Variants in PTPRN2 observed in about 807,000 individuals in gnomAD.
PTPRN2 encodes protein tyrosine phosphatase receptor type N2, also known as receptor-type tyrosine-protein phosphatase N2.
A neutral mutation model predicts 118.8 loss-of-function variants in PTPRN2; 74 were observed. The ratio of observed to expected loss-of-function variants is 0.62; its 90% CI spans 0.52 to 0.76. PTPRN2 has a LOEUF of 0.76. Ranked by LOEUF, PTPRN2 falls within the 30% of genes least tolerant of loss-of-function variation. The probability of loss-of-function intolerance (pLI) is 0.00; values close to 1 mark genes in which losing one functional copy is unlikely to be tolerated. For synonymous variants in PTPRN2, 641 were observed against 608.0 expected (o/e 1.05, Z -0.80); for missense variants, 1,481 against 1,394.4 (o/e 1.06, Z -0.99).
intron 3 of PTPRN2, among the ~76,000 whole-genome samples, chr7:158,240,268 AG>A (rs1347599014): frequency 2.6e-5 from 4 of 152,202 alleles, no homozygotes; most frequent in African/African-American, 9.6e-5. Context: ...AGAGAGAGAG[AG>A]AGAAAGCCAA....
At chr7:158,359,637 A>G (rs2151286127) in intron 2 of PTPRN2, among the ~76,000 whole-genome samples, 2 of 152,344 alleles carry the variant, frequency 1.3e-5, no homozygotes, top group Middle Eastern at 6.8e-3. Flanking sequence ...GGTCATCATT[A>G]ATTACTGCAC....
chr7:157,703,457 T>TCCACACCAGGACCCCAGGC (rs1231721811), intron 12 of PTPRN2, among the ~76,000 whole-genome samples: 21 of 152,106 alleles, frequency 1.4e-4, no homozygotes, highest in Non-Finnish European at 2.8e-4. Context: ...CCCCAGCTGG[T>TCCACACCAGGACCCCAGGC]CCACACCAGG....
intron 2 of PTPRN2, among the ~76,000 whole-genome samples, chr7:158,400,410 C>T (rs1016878791): frequency 6.6e-6 from 1 of 152,082 alleles, no homozygotes; most frequent in African/African-American, 2.4e-5. Flanking sequence ...CACACAGCTC[C>T]TCAGAAACTG....
At chr7:158,157,567 G>C (rs569941445) in intron 6 of PTPRN2, among the ~76,000 whole-genome samples, 7 of 152,212 alleles carry the variant, frequency 4.6e-5, no homozygotes, top group Admixed American at 6.5e-5. Context: ...ACATGAGCTG[G>C]GTGGAGCCGA....
intron 12 of PTPRN2, among the ~76,000 whole-genome samples, chr7:157,723,051 A>T (rs1799332710): frequency 6.6e-6 from 1 of 152,246 alleles, no homozygotes; most frequent in Non-Finnish European, 1.5e-5. Context: ...ATGGTCTCCT[A>T]GCTATTTTTA....
intron 11 of PTPRN2, among the ~76,000 whole-genome samples, chr7:157,936,263 AGACT>A (rs1374062747): frequency 1.3e-5 from 2 of 152,202 alleles, no homozygotes; most frequent in Non-Finnish European, 2.9e-5. Flanking sequence ...GAGAAGACTG[AGACT>A]GACTGAGCCG....
intron 11 of PTPRN2, among the ~76,000 whole-genome samples, chr7:158,075,300 C>T (rs1211927970): frequency 6.6e-6 from 1 of 152,236 alleles, no homozygotes; most frequent in Non-Finnish European, 1.5e-5. Flanking sequence ...TTTACAACCT[C>T]CTGGGGCTGC....
Position 157,960,973 on chromosome 7 carries a change from C to T in PTPRN2, c.1724-62236G>A, listed in dbSNP as rs189531585. 4.7e-3 allele frequency among the ~76,000 whole-genome samples: 719 copies of T among 152,332 alleles called. 5 individuals carry two copies. The highest frequency in any genetic ancestry group is 0.016 in the African/African-American group (664 of 41,582). On this transcript the variant is annotated intron_variant, in intron 11 of 22. Coordinates refer to ENST00000389418, the MANE Select transcript of PTPRN2 (RefSeq NM_002847.5). ...AGTGAGCCAAGAACATGCCACTGCA[C>T]TCCAGCCTGGGTGACAGAGCGAGAC...
intron 2 of PTPRN2, among the ~76,000 whole-genome samples, chr7:158,464,729 C>A (rs1414101619): frequency 6.6e-6 from 1 of 151,772 alleles, no homozygotes; most frequent in Non-Finnish European, 1.5e-5. Flanking sequence ...CTTACCATCG[C>A]CATCATTGCC....
intron 12 of PTPRN2, among the ~76,000 whole-genome samples, chr7:157,839,003 G>C (rs1422721665): frequency 1.4e-5 from 2 of 148,066 alleles, no homozygotes; most frequent in African/African-American, 5.1e-5. Context: ...CTCCACCGTG[G>C]CTACTCCAGT....
chr7:157,576,395 C>T (rs952070404), intron 19 of PTPRN2, among the ~76,000 whole-genome samples: 1 of 152,196 alleles, frequency 6.6e-6, no homozygotes, highest in Non-Finnish European at 1.5e-5. Context: ...TGCCTATTCC[C>T]CCTCACATTT....
intron 17 of PTPRN2, 104 bp downstream of exon 17, chr7:157,595,134 T>C: frequency 9.9e-7 from 1 of 1,012,076 alleles, no homozygotes; most frequent in South Asian, 1.4e-5. Context: ...TGATGAGCAT[T>C]TGTAAGAAGT....
In PTPRN2 at chr7:157,569,095, G is replaced by C. The variant is rs113115279; in HGVS notation, c.2838-129C>G. 1.5e-4 allele frequency: 132 copies of C among 908,440 alleles called. No homozygotes were observed. The African/African-American group carries it at 1.8e-3, about 13-fold the overall frequency. 56.3% of individuals were successfully genotyped at this position (908,440 alleles called of 1,614,324 possible). A position where few individuals can be genotyped will look rare whatever the true frequency, so the allele number is the denominator to read the frequency against. On this transcript the variant is annotated intron_variant, in intron 20 of 22. Transcript: ENST00000389418. ...CGAGAGGAAAGGATGGCGGATGTGA[G>C]AGGGGGAGGAAGGACGCGGGCTGGG...
intron 15 of PTPRN2, among the ~76,000 whole-genome samples, chr7:157,612,357 A>G (rs538789077): frequency 6.6e-6 from 1 of 152,326 alleles, no homozygotes; most frequent in Admixed American, 6.5e-5. Context: ...GTCCATCGAC[A>G]CTGATGACGA....
At chr7:157,883,063 C>CA (rs1230387045) in intron 12 of PTPRN2, among the ~76,000 whole-genome samples, 1 of 150,736 alleles carries the variant, frequency 6.6e-6, no homozygotes, top group African/African-American at 2.4e-5. Context: ...CACACCACCT[C>CA]AAAATGACTG....
chr7:158,442,389 A>T (rs1265375876), intron 2 of PTPRN2, among the ~76,000 whole-genome samples: 1 of 152,122 alleles, frequency 6.6e-6, no homozygotes, highest in Non-Finnish European at 1.5e-5. Flanking sequence ...TTACCTATTC[A>T]TGGTTATCAT....
intron 14 of PTPRN2, among the ~76,000 whole-genome samples, chr7:157,635,214 C>T (rs540241859): frequency 4.6e-5 from 7 of 152,360 alleles, no homozygotes; most frequent in East Asian, 1.9e-4. Context: ...GTGTCTCTAA[C>T]GTCTGACATA....
chr7:158,333,843 A>AG (rs1805011420), intron 2 of PTPRN2, among the ~76,000 whole-genome samples: 3 of 93,952 alleles, frequency 3.2e-5, no homozygotes, highest in Non-Finnish European at 4.8e-5. Context: ...CTCTCACCAT[A>AG]GAGCTGACAC....
At chr7:158,531,023 G>GGT (rs1236897862) in intron 1 of PTPRN2, among the ~76,000 whole-genome samples, 14 of 152,034 alleles carry the variant, frequency 9.2e-5, no homozygotes, top group Non-Finnish European at 1.9e-4. Flanking sequence ...TGTGCATGGG[G>GGT]GTGTGTGTGT....
Sources: allele counts gnomAD v4.1 joint callset (sites outside exome capture counted in the v4.1 genomes callset), GRCh38; gene constraint gnomAD v4.1.1; transcripts MANE v1.5; gene names NCBI Gene and HGNC (gene_info 2026-07-23, HGNC 2026-07-21).